The following COL6A5 variants were observed in gnomAD, a reference collection of about 807,000 sequenced individuals.
COL6A5 encodes collagen alpha-5(VI) chain.
Under a neutral mutation model 65.6 loss-of-function variants are expected in COL6A5, and 48 were observed. That is an observed-to-expected ratio of 0.73 (90% CI 0.58 to 0.93). The LOEUF is 0.93. Among genes scored for constraint, COL6A5 ranks in the 40% least tolerant of loss-of-function variants. COL6A5 has a pLI of 0.00. For synonymous variants in COL6A5, 291 were observed against 322.8 expected (o/e 0.90, Z 1.05); for missense variants, 914 against 928.3 (o/e 0.98, Z 0.20).
chr3:130,429,279 C>T (rs79029005), upstream of COL6A5, among the ~76,000 whole-genome samples: 854 of 152,284 alleles, frequency 5.6e-3, 2 homozygotes, highest in Middle Eastern at 0.02. Context: ...ATCAGAGGCT[C>T]ATCTGTTTTT....
At chr3:130,479,819 G>A (rs1336636779) in intron 7 of COL6A5, among the ~76,000 whole-genome samples, 2 of 152,006 alleles carry the variant, frequency 1.3e-5, no homozygotes, top group Admixed American at 1.3e-4. Context: ...AAACATTTTA[G>A]TTTTTTGAGA....
At chr3:130,399,878 G>A (rs892720790) in intron 10 of COL6A5, among the ~76,000 whole-genome samples, 4 of 151,906 alleles carry the variant, frequency 2.6e-5, no homozygotes, top group South Asian at 2.1e-4. Flanking sequence ...TCAGCCTCCC[G>A]AGTAGCTGGG....
chr3:130,381,653 A>T lies in COL6A5; in HGVS notation c.1300+1603A>T, dbSNP rs1391058. Among the ~76,000 whole-genome samples, 331 of 152,148 alleles carry T rather than the reference A, an allele frequency of 2.2e-3. 1 individual carries two copies. The highest frequency in any genetic ancestry group is 7.4e-3 in the African/African-American group (307 of 41,522). ...GACTTTGAGCTCATCTAATTCTGAG[A>T]TATCTGCTGTCCTCACACATTTTCT... On this transcript the variant is annotated intron_variant and NMD_transcript_variant, in intron 4 of 41. Coordinates refer to the COL6A5 transcript ENST00000312481.
chr3:130,439,039 G>A (rs1709104296), intron 1 of COL6A5, among the ~76,000 whole-genome samples: 1 of 152,152 alleles, frequency 6.6e-6, no homozygotes, highest in East Asian at 1.9e-4. Context: ...CTTCTAGATA[G>A]AGTGGACTGG....
At chr3:130,438,155 A>G (rs146125015) in intron 1 of COL6A5, among the ~76,000 whole-genome samples, 11,793 of 151,990 alleles carry the variant, frequency 0.078, 1,001 homozygotes, top group East Asian at 0.31. Context: ...ATGCCACCAC[A>G]CCTGGCTAAT....
At chr3:130,355,960 G>A (rs1236355848) in intron 1 of COL6A5, among the ~76,000 whole-genome samples, 1 of 152,108 alleles carries the variant, frequency 6.6e-6, no homozygotes, top group Non-Finnish European at 1.5e-5. Context: ...AGGAAGCAGG[G>A]TTTATGATGT....
At chr3:130,437,475 T>C (rs1227388237) in intron 1 of COL6A5, among the ~76,000 whole-genome samples, 1 of 152,140 alleles carries the variant, frequency 6.6e-6, no homozygotes. Flanking sequence ...CTACAGTCTG[T>C]CTGAACACAG....
Position 130,401,249 on chromosome 3 carries a change from A to G in COL6A5, c.4134+76A>G, listed in dbSNP as rs1936806877. On this transcript the variant is annotated intron_variant and NMD_transcript_variant, in intron 11 of 41. Coordinates refer to the COL6A5 transcript ENST00000312481. The stretch of plus-strand genomic sequence containing the variant: ...ATTGGAATCTTGATGAGAACTTTCA[A>G]AGACTGCCTTTGTTTACCCCCACTA... 7.6e-6 allele frequency: 10 copies of G among 1,323,042 alleles called. 1 individual carries two copies. The South Asian group carries it at 1.5e-4, about 20-fold the overall frequency. The allele number at this position is 1,323,042 out of a possible 1,614,324, so 82.0% of individuals were successfully genotyped here. A position where few individuals can be genotyped will look rare whatever the true frequency, so the allele number is the denominator to read the frequency against.
At chr3:130,395,402 T>G (rs1936561041) in exon 8 of COL6A5, 1 of 1,547,462 alleles carries the variant, frequency 6.5e-7, no homozygotes, top group East Asian at 2.4e-5. Context: ...CTTTGATAAA[T>G]TAAAGAATGT....
chr3:130,398,128 G>GGTT lies in COL6A5; in HGVS notation c.3991+17_3991+18insGTT. 1 of 906,626 alleles carries GGTT rather than the reference G, an allele frequency of 1.1e-6. No individual in the cohort carries two copies. The highest frequency in any genetic ancestry group is 1.5e-6 in the Non-Finnish European group (1 of 648,688). 56.2% of individuals were successfully genotyped at this position (906,626 alleles called of 1,614,324 possible). A position where few individuals can be genotyped will look rare whatever the true frequency, so the allele number is the denominator to read the frequency against. ...GAGAAGCAGGTATTGAGTTGTTGTT[G>GGTT]TTTTTTTTTTTTTTTTTTTTGAGAT... On this transcript the variant is annotated intron_variant and NMD_transcript_variant, in intron 10 of 41. Transcript: ENST00000312481.
chr3:130,447,331 A>G (rs894980152), intron 4 of COL6A5, among the ~76,000 whole-genome samples: 2 of 152,158 alleles, frequency 1.3e-5, no homozygotes, highest in African/African-American at 4.8e-5. Flanking sequence ...ATTAGCAGTT[A>G]GGCCTCTAGG....
chr3:130,390,168 C>A (rs975238832), intron 6 of COL6A5, among the ~76,000 whole-genome samples: 4 of 152,152 alleles, frequency 2.6e-5, no homozygotes, highest in Non-Finnish European at 4.4e-5. Context: ...AACTTTGAAA[C>A]CTGCAAGGCT....
At chr3:130,473,935 T>C (rs1710024439) in intron 7 of COL6A5, among the ~76,000 whole-genome samples, 1 of 152,114 alleles carries the variant, frequency 6.6e-6, no homozygotes, top group African/African-American at 2.4e-5. Flanking sequence ...TTCATTTCTG[T>C]GTTTGTCCCT....
At chr3:130,374,969 CT>C (rs1352471091) in intron 2 of COL6A5, among the ~76,000 whole-genome samples, 3 of 152,190 alleles carry the variant, frequency 2.0e-5, no homozygotes, top group Admixed American at 6.5e-5. Flanking sequence ...GTATTTTAAA[CT>C]GTGCATTGTC....
chr3:130,384,977 G>T, exon 5 of COL6A5: 1 of 1,551,006 alleles, frequency 6.4e-7, no homozygotes, highest in Non-Finnish European at 8.7e-7. Context: ...TGACACAGAA[G>T]TGGAATTTTA....
intron 1 of COL6A5, among the ~76,000 whole-genome samples, chr3:130,372,661 G>T (rs1935612669): frequency 6.6e-6 from 1 of 152,156 alleles, no homozygotes; most frequent in South Asian, 2.1e-4. Flanking sequence ...AGCACCTATA[G>T]AAGGGGAGTG....
At chr3:130,452,029 G>A (rs322120) in intron 4 of COL6A5, among the ~76,000 whole-genome samples, 140,065 of 152,224 alleles carry the variant, frequency 0.92, 64,585 homozygotes, top group Non-Finnish European at 0.95. Flanking sequence ...CAAGGACAGT[G>A]TTCTTCTACT....
intron 1 of COL6A5, among the ~76,000 whole-genome samples, chr3:130,349,158 C>T (rs544254928): frequency 1.6e-3 from 238 of 152,236 alleles, no homozygotes; most frequent in Admixed American, 2.8e-3. Flanking sequence ...CCACATTATT[C>T]GATTGTCCCA....
Position 130,405,991 on chromosome 3 carries a change from A to C in COL6A5, c.4354-2A>C. 2 of 1,551,294 alleles carry C rather than the reference A, an allele frequency of 1.3e-6. No individual in the cohort carries two copies. The highest frequency in any genetic ancestry group is 2.4e-5 in the South Asian group (2 of 84,048). ...CAGTGAGAGATATTTCATCTTTTGC[A>C]GGGACTCAAAGGATTTTCTGGACCT... On this transcript the variant is annotated splice_acceptor_variant and NMD_transcript_variant, in intron 14 of 41. Coordinates refer to the COL6A5 transcript ENST00000312481.
Sources: gnomAD v4.1 joint callset for allele counts (sites outside exome capture counted in the v4.1 genomes callset) on GRCh38, gnomAD v4.1.1 for gene constraint, MANE v1.5 for transcripts, NCBI Gene and HGNC (gene_info 2026-07-23, HGNC 2026-07-21) for gene names.